Variants in IRS2 observed in about 807,000 individuals in gnomAD.
The protein encoded by IRS2 is insulin receptor substrate 2.
A neutral mutation model predicts 70.9 loss-of-function variants in IRS2; 28 were observed. The observed-to-expected ratio is 0.39, with a 90% CI of 0.29 to 0.54. IRS2 has a LOEUF of 0.54. Ranked by LOEUF, IRS2 falls within the 20% of genes least tolerant of loss-of-function variation. The pLI is 0.59. For synonymous variants in IRS2, 1,217 were observed against 981.9 expected, an observed-to-expected ratio of 1.24 and a Z score of -4.48; for missense variants, 2,081 against 2,024.1, an observed-to-expected ratio of 1.03 and a Z score of -0.54.
chr13:109,766,939 A>C (rs1384857762), intron 1 of IRS2, among the ~76,000 whole-genome samples: 1 of 152,244 alleles, frequency 6.6e-6, no homozygotes, highest in African/African-American at 2.4e-5. Context: ...CTTAAGTCTA[A>C]GCAGAGGAAA....
In IRS2 at chr13:109,786,080, G is replaced by A. The variant is rs1877915763; in HGVS notation, c.-27C>T. 2.9e-6 allele frequency: 3 copies of A among 1,049,128 alleles called. No individual in the cohort carries two copies. Among genetic ancestry groups the A allele is most frequent in the Non-Finnish European group, 1.1e-6 (1 of 877,486 alleles). 65.0% of individuals were successfully genotyped at this position (1,049,128 alleles called of 1,614,324 possible). A position where few individuals can be genotyped will look rare whatever the true frequency, so the allele number is the denominator to read the frequency against. On this transcript the variant is annotated 5_prime_UTR_variant, in exon 1 of 2. Transcript: ENST00000375856. The surrounding 1 kb of genome is among the most constrained non-coding windows in gnomAD (Gnocchi z 4.4). ...GCGGGCGCTTCAGGCCGCGCGGCCC[G>A]GGCCCGGCGCCCAGGGGTTGGGGCG...
chr13:109,785,922 G>T lies in IRS2; in HGVS notation c.132C>A (p.His44Gln). Reference protein sequence around the residue: ...CGYLRKQKHGHKRFFVLRGPG... With the variant: ...CGYLRKQKHGQKRFFVLRGPG... The stretch of plus-strand genomic sequence containing the variant: ...GTCCGCGCAGCACGAAGAAGCGCTT[G>T]TGGCCATGCTTCTGCTTGCGCAGGT... The change falls in exon 1 of 2, where the codon CAC (histidine) becomes CAA (glutamine). Residue 44 changes from histidine to glutamine, a missense_variant. Physicochemically the swap from His to Gln is conservative, Grantham distance 24. Around this residue, in one of 4 missense-constraint regions of IRS2, gnomAD observed 320 missense variants for 352.9 expected, o/e 0.91. Coordinates refer to ENST00000375856, the MANE Select transcript of IRS2 (RefSeq NM_003749.3). The surrounding 1 kb of genome is among the most constrained non-coding windows in gnomAD (Gnocchi z 9.3). 1 of 1,497,622 alleles carries T rather than the reference G, an allele frequency of 6.7e-7. No individual in the cohort carries two copies. The highest frequency in any genetic ancestry group is 1.3e-5 in the South Asian group (1 of 79,730). The allele number at this position is 1,497,622 out of a possible 1,614,324, so 92.8% of individuals were successfully genotyped here. A position where few individuals can be genotyped will look rare whatever the true frequency, so the allele number is the denominator to read the frequency against.
chr13:109,782,536 T>G lies in IRS2; in HGVS notation c.3518A>C (p.Asn1173Thr). 1 of 1,557,700 alleles carries G rather than the reference T, an allele frequency of 6.4e-7. No individual in the cohort carries two copies. Among genetic ancestry groups the G allele is most frequent in the South Asian group, 1.2e-5 (1 of 85,156 alleles). ...PSFAHNPKRHNSASVENVSLR... is the reference protein window; with the variant it reads ...PSFAHNPKRHTSASVENVSLR... ...AGAGACATTTTCCACGGAGGCCGAG[T>G]TGTGGCGCTTGGGGTTGTGGGCGAA... is the stretch of plus-strand genomic sequence containing the variant. Residue 1173 changes from asparagine to threonine, a missense_variant, in exon 1 of 2, where the codon AAC becomes ACC. Coordinates refer to ENST00000375856, the MANE Select transcript of IRS2 (RefSeq NM_003749.3).
chr13:109,784,357 T>G lies in IRS2; in HGVS notation c.1697A>C (p.Asp566Ala). The change falls in exon 1 of 2, where the codon GAC (aspartate) becomes GCC (alanine). Residue 566 changes from aspartate (D) to alanine (A), a missense_variant. Asp to Ala is a moderately radical substitution (Grantham distance 126). Coordinates refer to ENST00000375856, the MANE Select transcript of IRS2 (RefSeq NM_003749.3). This position sits in a 1 kb window ranked among gnomAD's most constrained non-coding sequence, Gnocchi z 5.2. ...YRRVSGDAAQ[D>A]LDRGLRKRTY... ...CCTCTTGCGCAGCCCTCGGTCCAGG[T>G]CCTGGGCCGCGTCCCCCGAGACCCG... The G allele has an allele frequency of 6.2e-7, 1 of 1,608,878 alleles. No homozygotes were observed. The highest frequency in any genetic ancestry group is 8.5e-7 in the Non-Finnish European group (1 of 1,179,270).
At chr13:109,757,629 A>G (rs1421312858) in intron 1 of IRS2, among the ~76,000 whole-genome samples, 5 of 152,202 alleles carry the variant, frequency 3.3e-5, no homozygotes, top group Non-Finnish European at 5.9e-5. Context: ...TGGACATTTT[A>G]AAATTCCCTA....
chr13:109,764,145 AT>A (rs748847264), intron 1 of IRS2, among the ~76,000 whole-genome samples: 108 of 152,350 alleles, frequency 7.1e-4, no homozygotes, highest in Non-Finnish European at 1.1e-3. Flanking sequence ...CAAAGTGCCC[AT>A]TCTTCCTAAT....
Position 109,783,880 on chromosome 13 carries a change from C to G in IRS2, c.2174G>C (p.Gly725Ala). ...GGCGGGCGAGCTGGCCTTGTAGCCG[C>G]CCCCGCTCGCCGGGAATGTCCTGCC... is the stretch of plus-strand genomic sequence containing the variant. ...AAGRTFPASG[G>A]GYKASSPAES... is the part of the protein sequence containing the mutation. The change falls in exon 1 of 2, where the codon GGC (glycine) becomes GCC (alanine). Residue 725 changes from glycine (G) to alanine (A), a missense_variant. Transcript: ENST00000375856. 1 of 1,549,704 alleles carries G rather than the reference C, an allele frequency of 6.5e-7. No individual in the cohort carries two copies. Among genetic ancestry groups the G allele is most frequent in the Non-Finnish European group, 8.7e-7 (1 of 1,147,392 alleles).
chr13:109,767,819 G>A (rs1040335452), intron 1 of IRS2, among the ~76,000 whole-genome samples: 2 of 139,086 alleles, frequency 1.4e-5, no homozygotes, highest in Non-Finnish European at 3.0e-5. Flanking sequence ...TGCAACCTCC[G>A]CTTCACGGGT....
intron 1 of IRS2, among the ~76,000 whole-genome samples, chr13:109,777,142 T>C (rs1279471014): frequency 1.3e-5 from 2 of 152,162 alleles, no homozygotes; most frequent in Non-Finnish European, 2.9e-5. Context: ...GCACTTTGCC[T>C]CACCCAGTGT....
intron 1 of IRS2, among the ~76,000 whole-genome samples, chr13:109,757,693 C>CT (rs1309597922): frequency 6.6e-6 from 1 of 152,020 alleles, no homozygotes; most frequent in Non-Finnish European, 1.5e-5. Flanking sequence ...TATTATTAGT[C>CT]TTTTTTAAGA....
chr13:109,762,356 C>T (rs1877245285), intron 1 of IRS2, among the ~76,000 whole-genome samples: 4 of 152,178 alleles, frequency 2.6e-5, no homozygotes, highest in Admixed American at 2.6e-4. Flanking sequence ...ATGTTAGACC[C>T]TTTTTAGTTA....
In IRS2 at chr13:109,783,630, G is replaced by A. The variant is rs1246550171; in HGVS notation, c.2424C>T (p.Arg808=). The change falls in exon 1 of 2, where the codon CGC becomes CGT. Residue 808 remains arginine, a synonymous_variant. Coordinates refer to ENST00000375856, the MANE Select transcript of IRS2 (RefSeq NM_003749.3). ...VPGCCYSSLP[R]SYKAPYTCGG... Reference sequence around the variant, plus strand: ...CACAGGTGTAGGGGGCCTTGTAGGAGCGGGGCAAGGAGCTGTAGCAGCAGC... The same window carrying A: ...CACAGGTGTAGGGGGCCTTGTAGGAACGGGGCAAGGAGCTGTAGCAGCAGC... 1.9e-6 allele frequency: 3 copies of A among 1,550,282 alleles called. No individual in the cohort carries two copies. Among genetic ancestry groups the A allele is most frequent in the Admixed American group, 3.9e-5 (2 of 51,474 alleles).
chr13:109,776,667 C>T (rs965589262), intron 1 of IRS2, among the ~76,000 whole-genome samples: 5 of 152,194 alleles, frequency 3.3e-5, no homozygotes, highest in African/African-American at 1.2e-4. Flanking sequence ...TGTATTTTAG[C>T]ACCCAGTTAA....
chr13:109,774,562 T>C (rs1004055901), intron 1 of IRS2, among the ~76,000 whole-genome samples: 1 of 152,148 alleles, frequency 6.6e-6, no homozygotes, highest in Non-Finnish European at 1.5e-5. Context: ...AATCCTAATG[T>C]AATTATTGCA....
intron 1 of IRS2, among the ~76,000 whole-genome samples, chr13:109,771,904 CGACTTGCTTAA>C (rs1566408518): frequency 1.3e-5 from 2 of 152,248 alleles, no homozygotes; most frequent in South Asian, 4.1e-4. Context: ...CTCTAATCCA[CGACTTGCTTAA>C]TCCTGCTTAT....
At chr13:109,773,702 C>T (rs374739784) in intron 1 of IRS2, among the ~76,000 whole-genome samples, 27 of 152,166 alleles carry the variant, frequency 1.8e-4, no homozygotes, top group Non-Finnish European at 2.8e-4. Flanking sequence ...ATTTATAACG[C>T]GTTTCTTCAT....
Position 109,753,847 on chromosome 13 carries a change from A to C in IRS2, c.*2457T>G, listed in dbSNP as rs1877047018. The C allele has an allele frequency of 4.5e-6, 1 of 222,806 alleles. No individual in the cohort carries two copies. The highest frequency in any genetic ancestry group is 9.0e-6 in the Non-Finnish European group (1 of 111,380). 13.8% of individuals were successfully genotyped at this position (222,806 alleles called of 1,614,324 possible). A position where few individuals can be genotyped will look rare whatever the true frequency, so the allele number is the denominator to read the frequency against. ...ATCTTCAGGACTGTATTCATTTCAT[A>C]AATAATGTACTTTATTTTATTGCAT... On this transcript the variant is annotated 3_prime_UTR_variant, in exon 2 of 2. Coordinates refer to ENST00000375856, the MANE Select transcript of IRS2 (RefSeq NM_003749.3).
In IRS2 at chr13:109,783,006, C is replaced by A. The variant is rs1260308601; in HGVS notation, c.3048G>T (p.Pro1016=). The change falls in exon 1 of 2, where the codon CCG becomes CCT. Residue 1016 remains proline, a synonymous_variant. Transcript: ENST00000375856. Reference sequence around the variant, plus strand: ...GGGACGCGGACGGACGCGGGGGCAACGGCGGATACGGGGAGGAGGCCTCGG... The same window carrying A: ...GGGACGCGGACGGACGCGGGGGCAAAGGCGGATACGGGGAGGAGGCCTCGG... The part of the protein sequence containing the change: ...LSPEASSPYP[P]LPPRPSASPS... 8 of 1,363,502 alleles carry A rather than the reference C, an allele frequency of 5.9e-6. No homozygotes were observed. Among genetic ancestry groups the A allele is most frequent in the African/African-American group, 1.5e-5 (1 of 64,720 alleles). The allele number at this position is 1,363,502 out of a possible 1,614,324, so 84.5% of individuals were successfully genotyped here.
intron 1 of IRS2, among the ~76,000 whole-genome samples, chr13:109,760,906 C>T (rs536169089): frequency 6.6e-6 from 1 of 152,344 alleles, no homozygotes; most frequent in African/African-American, 2.4e-5. Flanking sequence ...ACTGCAATCA[C>T]ATTACAGAAA....
Sources: allele counts gnomAD v4.1 joint callset (sites outside exome capture counted in the v4.1 genomes callset), GRCh38; gene constraint gnomAD v4.1.1; regional missense constraint gnomAD v4.1.1; non-coding constraint Gnocchi (gnomAD v3.1); transcripts MANE v1.5; gene names NCBI Gene and HGNC (gene_info 2026-07-23, HGNC 2026-07-21).